KIRREL3: variants seen among roughly 807,000 people sequenced by gnomAD.
KIRREL3 encodes the protein kirre like nephrin family adhesion molecule 3.
In KIRREL3, 36 loss-of-function variants were observed where a neutral mutation model predicts 89.7. The observed-to-expected ratio is 0.40, with a 90% CI of 0.31 to 0.53. KIRREL3 has a LOEUF of 0.53. KIRREL3 is among the 20% of genes least tolerant of loss of function. The pLI, the probability that KIRREL3 is intolerant of heterozygous loss-of-function variation, is 0.49. For synonymous variants in KIRREL3, 445 were observed against 441.4 expected (o/e 1.01, Z -0.10); for missense variants, 864 against 1,056.6 (o/e 0.82, Z 2.53).
intron 1 of KIRREL3, among the ~76,000 whole-genome samples, chr11:126,706,736 G>A (rs1425925194): frequency 6.6e-6 from 1 of 151,930 alleles, no homozygotes; most frequent in Non-Finnish European, 1.5e-5. Context: ...TTCATCTTTT[G>A]ATATGTTTAT....
In KIRREL3 at chr11:126,976,422, CT is replaced by C. The variant is rs1185713103; in HGVS notation, c.55+24032del. 3.9e-5 allele frequency among the ~76,000 whole-genome samples: 6 copies of C among 152,058 alleles called. No homozygotes were observed. Among genetic ancestry groups the C allele is most frequent in the African/African-American group, 1.4e-4 (6 of 41,412 alleles). ...ACATTAATCTCCTGCAGATTTTTTT[CT>C]GGAGATTTATATGTTTACCTGTCCA... On this transcript the variant is annotated intron_variant, in intron 1 of 16. Coordinates refer to ENST00000525144, the MANE Select transcript of KIRREL3 (RefSeq NM_032531.4). This position sits in a 1 kb window ranked among gnomAD's most constrained non-coding sequence, Gnocchi z 4.2.
rs549226850 is a variant in KIRREL3, at chr11:126,605,364, C to T, written c.56-42452G>A. Among the ~76,000 whole-genome samples the T allele has an allele frequency of 6.6e-6, 1 of 152,162 alleles. No individual in the cohort carries two copies. Among genetic ancestry groups the T allele is most frequent in the South Asian group, 2.1e-4 (1 of 4,824 alleles). On this transcript the variant is annotated intron_variant, in intron 1 of 16. Coordinates refer to ENST00000525144, the MANE Select transcript of KIRREL3 (RefSeq NM_032531.4). The surrounding 1 kb of genome is among the most constrained non-coding windows in gnomAD (Gnocchi z 5.7). ...CGTCGGGAGTGGGAGCAATGGAGCA[C>T]CCATGGTCTCCAGGTCTCAGGCCAC...
At chr11:126,493,831 T>A (rs1221177709) in intron 4 of KIRREL3, among the ~76,000 whole-genome samples, 1 of 152,122 alleles carries the variant, frequency 6.6e-6, no homozygotes, top group African/African-American at 2.4e-5. Flanking sequence ...AGCTGCTTCA[T>A]TCCTACTTCT....
At chr11:126,511,723 C>A (rs1295044807) in intron 4 of KIRREL3, among the ~76,000 whole-genome samples, 1 of 152,204 alleles carries the variant, frequency 6.6e-6, no homozygotes, top group Non-Finnish European at 1.5e-5. Context: ...GGATGACACC[C>A]CTCCGTCACC....
chr11:126,598,471 G>GATTCA (rs1480998338), intron 1 of KIRREL3, among the ~76,000 whole-genome samples: 2 of 152,180 alleles, frequency 1.3e-5, no homozygotes, highest in African/African-American at 4.8e-5. Context: ...AAAGATGGCT[G>GATTCA]ATTCACCTGG....
chr11:126,712,375 C>G (rs112688666), intron 1 of KIRREL3, among the ~76,000 whole-genome samples: 9,503 of 152,192 alleles, frequency 0.062, 783 homozygotes, highest in African/African-American at 0.19. Flanking sequence ...CAGGGTCTGG[C>G]AGGGCCGAGC....
intron 1 of KIRREL3, among the ~76,000 whole-genome samples, chr11:126,789,710 T>G (rs920417260): frequency 2.6e-5 from 4 of 152,164 alleles, no homozygotes; most frequent in African/African-American, 9.7e-5. Flanking sequence ...TTCTCCAGAT[T>G]CATTTCTCTT....
In KIRREL3 at chr11:126,605,362, C is replaced by T. The variant is rs984437676; in HGVS notation, c.56-42450G>A. 6.6e-6 allele frequency among the ~76,000 whole-genome samples: 1 copy of T among 152,184 alleles called. No homozygotes were observed. Among genetic ancestry groups the T allele is most frequent in the Non-Finnish European group, 1.5e-5 (1 of 68,034 alleles). ...GGCGTCGGGAGTGGGAGCAATGGAG[C>T]ACCCATGGTCTCCAGGTCTCAGGCC... On this transcript the variant is annotated intron_variant, in intron 1 of 16. Coordinates refer to ENST00000525144, the MANE Select transcript of KIRREL3 (RefSeq NM_032531.4). This position sits in a 1 kb window ranked among gnomAD's most constrained non-coding sequence, Gnocchi z 5.7.
chr11:126,973,288 C>A (rs1267722549), intron 1 of KIRREL3, among the ~76,000 whole-genome samples: 1 of 152,122 alleles, frequency 6.6e-6, no homozygotes, highest in Admixed American at 6.5e-5. Context: ...CAAGTTCAAG[C>A]TGACCCAACC....
rs1160497339 is a variant in KIRREL3, at chr11:126,459,261, G to T, written c.743-2807C>A. Among the ~76,000 whole-genome samples, 1 of 152,060 alleles carries T rather than the reference G, an allele frequency of 6.6e-6. No homozygotes were observed. The highest frequency in any genetic ancestry group is 1.5e-5 in the Non-Finnish European group (1 of 68,020). ...CTGGGGGTCTTTTCTAAAGTGATGA[G>T]GTCTGAGAGGCAGGGAGGTGGGGCA... is the stretch of plus-strand genomic sequence containing the variant. On this transcript the variant is annotated intron_variant, in intron 6 of 16. Transcript: ENST00000525144. This position sits in a 1 kb window ranked among gnomAD's most constrained non-coding sequence, Gnocchi z 4.8.
intron 4 of KIRREL3, among the ~76,000 whole-genome samples, chr11:126,507,989 T>C (rs761711013): frequency 1.6e-4 from 25 of 152,158 alleles, no homozygotes; most frequent in Non-Finnish European, 2.2e-4. Context: ...ACTTCGTTTG[T>C]GTGCGACAAA....
chr11:126,810,538 A>G (rs1951347582), intron 1 of KIRREL3, among the ~76,000 whole-genome samples: 1 of 152,120 alleles, frequency 6.6e-6, no homozygotes, highest in African/African-American at 2.4e-5. Context: ...TCGTTAGGTT[A>G]AGTAGCTTGC....
At chr11:126,846,448 A>G (rs1222091595) in intron 1 of KIRREL3, among the ~76,000 whole-genome samples, 2 of 152,240 alleles carry the variant, frequency 1.3e-5, no homozygotes, top group Non-Finnish European at 2.9e-5. Context: ...AATAAAAATT[A>G]TCATGCCTTT....
At position 126,513,884 on chromosome 11, in the gene KIRREL3, G is replaced by T. The variant is rs1458204617; in HGVS notation, c.433+7431C>A. 6.6e-6 allele frequency among the ~76,000 whole-genome samples: 1 copy of T among 152,188 alleles called. No homozygotes were observed. The highest frequency in any genetic ancestry group is 2.4e-5 in the African/African-American group (1 of 41,448). On this transcript the variant is annotated intron_variant, in intron 4 of 16. Transcript: ENST00000525144. This position sits in a 1 kb window ranked among gnomAD's most constrained non-coding sequence, Gnocchi z 5.9. ...CATTGAACCCACAGGGTGGACCTCAGGGAGCTATAATATAACTTAGAGGTG... is the reference window on the plus strand; with the variant it reads ...CATTGAACCCACAGGGTGGACCTCATGGAGCTATAATATAACTTAGAGGTG...
chr11:126,929,570 C>T (rs12222665), intron 1 of KIRREL3, among the ~76,000 whole-genome samples: 22,667 of 152,022 alleles, frequency 0.15, 1,760 homozygotes, highest in East Asian at 0.2. Flanking sequence ...AATAAGACCA[C>T]GTAAAAGCAA....
chr11:126,698,571 C>T (rs1005396667), intron 1 of KIRREL3, among the ~76,000 whole-genome samples: 2 of 152,180 alleles, frequency 1.3e-5, no homozygotes, highest in African/African-American at 4.8e-5. Flanking sequence ...GTCATAAGAG[C>T]ATCTGCTCAG....
At chr11:126,842,077 A>T (rs1943980990) in intron 1 of KIRREL3, among the ~76,000 whole-genome samples, 1 of 152,122 alleles carries the variant, frequency 6.6e-6, no homozygotes, top group South Asian at 2.1e-4. Context: ...GAGAAGAGGC[A>T]CGGCAGAGGA....
intron 1 of KIRREL3, among the ~76,000 whole-genome samples, chr11:126,746,023 T>C (rs900999128): frequency 1.4e-4 from 21 of 152,204 alleles, no homozygotes; most frequent in Admixed American, 2.6e-4. Context: ...CTTTCCTCCT[T>C]GTCACTGTTT....
chr11:126,536,590 G>A (rs970080050), intron 2 of KIRREL3, among the ~76,000 whole-genome samples: 3 of 151,084 alleles, frequency 2.0e-5, no homozygotes, highest in African/African-American at 7.3e-5. Flanking sequence ...CTGCCCTGGA[G>A]CCTGATGTGG....
Sources: allele counts gnomAD v4.1 joint callset (sites outside exome capture counted in the v4.1 genomes callset), GRCh38; gene constraint gnomAD v4.1.1; non-coding constraint Gnocchi (gnomAD v3.1); transcripts MANE v1.5; gene names NCBI Gene and HGNC (gene_info 2026-07-23, HGNC 2026-07-21).